The following ARHGEF28 variants were observed in gnomAD, a reference collection of about 807,000 sequenced individuals.
ARHGEF28 encodes Rho guanine nucleotide exchange factor 28.
In ARHGEF28, 152 loss-of-function variants were observed where a neutral mutation model predicts 206.6. The ratio of observed to expected loss-of-function variants is 0.74; its 90% CI spans 0.64 to 0.84. The LOEUF is 0.84. Ranked by LOEUF, ARHGEF28 falls within the 40% of genes least tolerant of loss-of-function variation. ARHGEF28 has a pLI of 0.00. For missense variants in ARHGEF28, 2,028 were observed against 2,073.2 expected (o/e 0.98, Z 0.42); for synonymous variants, 763 against 776.4 (o/e 0.98, Z 0.29).
chr5:73,692,393 T>G (rs189703982), intron 2 of ARHGEF28, among the ~76,000 whole-genome samples: 9 of 152,350 alleles, frequency 5.9e-5, no homozygotes, highest in Non-Finnish European at 1.2e-4. Context: ...CTGCAAATTG[T>G]ATAACCATTT....
At chr5:73,794,856 C>G (rs370763095) in intron 8 of ARHGEF28, among the ~76,000 whole-genome samples, 11 of 152,314 alleles carry the variant, frequency 7.2e-5, no homozygotes, top group African/African-American at 2.6e-4. Flanking sequence ...ATCTGCCCGC[C>G]TCGGTCTCCC....
rs372385013 is a variant in ARHGEF28, at chr5:73,767,149, C to T, written c.476-6706C>T. Among the ~76,000 whole-genome samples the T allele has an allele frequency of 2.4e-3, 359 of 152,276 alleles. 1 individual carries two copies. The highest frequency in any genetic ancestry group is 8.2e-3 in the African/African-American group (340 of 41,522). ...TGTGATTGTGAGGCCTCCCTAGCCA[C>T]ATGGAATTGTAAGTCCATTAAACCA... On this transcript the variant is annotated intron_variant, in intron 4 of 35. Transcript: ENST00000513042.
chr5:73,874,106 C>T (rs868587246), intron 22 of ARHGEF28, among the ~76,000 whole-genome samples: 1 of 152,158 alleles, frequency 6.6e-6, no homozygotes, highest in South Asian at 2.1e-4. Context: ...GTTCAAGTTG[C>T]ACTTCCCTCA....
intron 2 of ARHGEF28, among the ~76,000 whole-genome samples, chr5:73,726,571 T>G (rs1750286382): frequency 6.6e-6 from 1 of 152,202 alleles, no homozygotes; most frequent in African/African-American, 2.4e-5. Context: ...AGTGTATCAA[T>G]ACAGTATACG....
intron 7 of ARHGEF28, among the ~76,000 whole-genome samples, chr5:73,781,958 A>T: frequency 6.6e-6 from 1 of 152,108 alleles, no homozygotes; most frequent in East Asian, 1.9e-4. Flanking sequence ...GAGAACCACC[A>T]AGCTTGATGC....
At chr5:73,895,112 G>A (rs896789215) in intron 29 of ARHGEF28, among the ~76,000 whole-genome samples, 6 of 152,190 alleles carry the variant, frequency 3.9e-5, no homozygotes, top group African/African-American at 7.2e-5. Flanking sequence ...TTCATCCTGA[G>A]TGGGATGGGA....
In ARHGEF28 at chr5:73,883,836, A is replaced by G; in HGVS notation, c.3007A>G (p.Ile1003Val). 1.3e-6 allele frequency: 2 copies of G among 1,579,648 alleles called. No individual in the cohort carries two copies. Among genetic ancestry groups the G allele is most frequent in the South Asian group, 1.2e-5 (1 of 84,926 alleles). Residue 1003 changes from isoleucine (I) to valine (V), a missense_variant, in exon 24 of 36, where the codon ATT (isoleucine) becomes GTT (valine). Around this residue, in one of 3 missense-constraint regions of ARHGEF28, gnomAD observed 223 missense variants for 289.9 expected, o/e 0.77. Transcript: ENST00000513042. ...PECILLVTQR[I>V]TKYPVLVERI... ...ATGCATTCTGTTGGTCACTCAGCGT[A>G]TTACAAAATACCCTGTCTTGGTGGA...
chr5:73,859,657 T>C (rs916981631), intron 16 of ARHGEF28, among the ~76,000 whole-genome samples: 4 of 152,192 alleles, frequency 2.6e-5, no homozygotes, highest in African/African-American at 9.7e-5. Flanking sequence ...TGGTTTAACT[T>C]CCTACATTTT....
chr5:73,924,043 T>C (rs991876672), intron 35 of ARHGEF28, among the ~76,000 whole-genome samples: 2 of 152,228 alleles, frequency 1.3e-5, no homozygotes, highest in Admixed American at 1.3e-4. Context: ...ACCAGACATG[T>C]TCCTGTGAGG....
chr5:73,841,365 A>T (rs918740723), intron 11 of ARHGEF28, among the ~76,000 whole-genome samples: 25 of 152,178 alleles, frequency 1.6e-4, no homozygotes, highest in African/African-American at 4.6e-4. Flanking sequence ...AATGCAAATT[A>T]AAAAATATAT....
intron 1 of ARHGEF28, among the ~76,000 whole-genome samples, chr5:73,663,355 G>A (rs928678543): frequency 1.3e-5 from 2 of 152,306 alleles, no homozygotes; most frequent in Non-Finnish European, 2.9e-5. Flanking sequence ...ACTAGGCACC[G>A]AGTGCTGGAT....
intron 13 of ARHGEF28, among the ~76,000 whole-genome samples, chr5:73,851,502 T>C (rs573126211): frequency 3.5e-4 from 53 of 152,186 alleles, no homozygotes; most frequent in African/African-American, 1.2e-3. Flanking sequence ...TTCCCTTTGG[T>C]CTATTATAGA....
At chr5:73,674,475 TC>T (rs1746529852) in intron 1 of ARHGEF28, among the ~76,000 whole-genome samples, 1 of 152,134 alleles carries the variant, frequency 6.6e-6, no homozygotes, top group Non-Finnish European at 1.5e-5. Flanking sequence ...ACATGCGAGG[TC>T]CCCTTATCTG....
intron 10 of ARHGEF28, among the ~76,000 whole-genome samples, chr5:73,832,966 TATC>T (rs1275232643): frequency 6.6e-6 from 1 of 152,206 alleles, no homozygotes; most frequent in Non-Finnish European, 1.5e-5. Context: ...TACAGAATGG[TATC>T]ATATTATAAA....
At chr5:73,742,532 A>G (rs1307617802) in intron 2 of ARHGEF28, among the ~76,000 whole-genome samples, 1 of 151,950 alleles carries the variant, frequency 6.6e-6, no homozygotes, top group Non-Finnish European at 1.5e-5. Flanking sequence ...AATATGATAA[A>G]AGTACTTTCA....
At chr5:73,773,780 G>A in intron 4 of ARHGEF28, 75 bp from the exon 5 acceptor site, 1 of 1,317,462 alleles carries the variant, frequency 7.6e-7, no homozygotes, top group Non-Finnish European at 1.0e-6. Context: ...TAAATACACT[G>A]TCCCTTTGAT....
At position 73,883,865 on chromosome 5, in the gene ARHGEF28, G is replaced by A. The variant is rs1444684138; in HGVS notation, c.3036G>A (p.Arg1012=). ...RITKYPVLVE[R]ILQYTKERTE... ...CAAAATACCCTGTCTTGGTGGAAAG[G>A]ATATTGCAGTACACAAAGGGTAAGT... is the stretch of plus-strand genomic sequence containing the variant. Residue 1012 remains arginine, a synonymous_variant, in exon 24 of 36, where the codon AGG becomes AGA. Transcript: ENST00000513042. 5.1e-6 allele frequency: 8 copies of A among 1,557,402 alleles called. No individual in the cohort carries two copies. The South Asian group carries it at 7.3e-5, about 14-fold the overall frequency.
intron 7 of ARHGEF28, among the ~76,000 whole-genome samples, chr5:73,785,537 T>C (rs4513674): frequency 0.45 from 68,500 of 151,912 alleles, 15,552 homozygotes; most frequent in Non-Finnish European, 0.47. Flanking sequence ...TCCAGATCAT[T>C]CATGCCTCCC....
At chr5:73,799,804 C>T (rs1431232887) in intron 9 of ARHGEF28, among the ~76,000 whole-genome samples, 1 of 152,124 alleles carries the variant, frequency 6.6e-6, no homozygotes, top group Non-Finnish European at 1.5e-5. Flanking sequence ...GAGATAGAGA[C>T]ACTCCCTATA....
Sources: allele counts gnomAD v4.1 joint callset (sites outside exome capture counted in the v4.1 genomes callset), GRCh38; gene constraint gnomAD v4.1.1; regional missense constraint gnomAD v4.1.1; transcripts MANE v1.5; gene names NCBI Gene and HGNC (gene_info 2026-07-23, HGNC 2026-07-21).